Variants in GRM7 observed in about 807,000 individuals in gnomAD.
GRM7 encodes glutamate metabotropic receptor 7, also known as metabotropic glutamate receptor 7.
In GRM7, 35 loss-of-function variants were observed where a neutral mutation model predicts 84.5. That is an observed-to-expected ratio of 0.41 (90% confidence interval 0.32 to 0.55). The LOEUF (loss-of-function observed/expected upper bound fraction) is 0.55. GRM7 is among the 20% of genes least tolerant of loss of function. The pLI is 0.19. For missense variants in GRM7, 1,003 were observed against 1,194.6 expected (o/e 0.84, Z 2.36); for synonymous variants, 487 against 455.1 (o/e 1.07, Z -0.89).
chr3:7,499,448 G>C (rs997906627), intron 7 of GRM7, among the ~76,000 whole-genome samples: 1 of 152,132 alleles, frequency 6.6e-6, no homozygotes, highest in Non-Finnish European at 1.5e-5. Context: ...ATCCCTGATA[G>C]AGTAACTTCA....
chr3:7,192,067 GAAGTT>G (rs754490833), intron 2 of GRM7, among the ~76,000 whole-genome samples: 2 of 152,016 alleles, frequency 1.3e-5, no homozygotes, highest in East Asian at 1.9e-4. Context: ...TAGACTGGCT[GAAGTT>G]TAAGAATGTA....
intron 1 of GRM7, among the ~76,000 whole-genome samples, chr3:6,962,567 A>C (rs918212783): frequency 2.0e-5 from 3 of 152,236 alleles, no homozygotes; most frequent in African/African-American, 7.2e-5. Flanking sequence ...ATATGAAAAT[A>C]ATGAATAATG....
intron 2 of GRM7, among the ~76,000 whole-genome samples, chr3:7,269,803 T>TA (rs1236691857): frequency 6.6e-6 from 1 of 152,088 alleles, no homozygotes; most frequent in African/African-American, 2.4e-5. Context: ...TTTCTTCTCT[T>TA]ATATTTGTCT....
chr3:6,896,061 C>T (rs1239353705), intron 1 of GRM7, among the ~76,000 whole-genome samples: 2 of 151,896 alleles, frequency 1.3e-5, no homozygotes, highest in African/African-American at 4.8e-5. Flanking sequence ...ATGCTAAACC[C>T]GAGTTAAATT....
At chr3:7,711,789 G>A (rs1357179740) in intron 9 of GRM7, among the ~76,000 whole-genome samples, 3 of 152,198 alleles carry the variant, frequency 2.0e-5, no homozygotes, top group Non-Finnish European at 2.9e-5. Flanking sequence ...AAGGGGAAAT[G>A]TCTGTGAAGA....
At chr3:7,255,165 A>C (rs1188192501) in intron 2 of GRM7, among the ~76,000 whole-genome samples, 20 of 152,104 alleles carry the variant, frequency 1.3e-4, no homozygotes, top group Admixed American at 1.3e-3. Context: ...ATTCTCTTCA[A>C]GGAATCTATC....
At chr3:7,023,951 T>C (rs990728737) in intron 1 of GRM7, among the ~76,000 whole-genome samples, 2 of 152,124 alleles carry the variant, frequency 1.3e-5, no homozygotes, top group East Asian at 3.9e-4. Context: ...AATGAAAGTC[T>C]TCCTAGGTGG....
At chr3:7,408,519 C>T (rs188692367) in intron 4 of GRM7, among the ~76,000 whole-genome samples, 117 of 152,274 alleles carry the variant, frequency 7.7e-4, no homozygotes, top group Non-Finnish European at 1.5e-3. Flanking sequence ...GCCTAGACTC[C>T]TCTCATTAGA....
intron 9 of GRM7, among the ~76,000 whole-genome samples, chr3:7,731,860 CAGGAAGA>C (rs1702344317): frequency 6.6e-6 from 1 of 152,136 alleles, no homozygotes; most frequent in Non-Finnish European, 1.5e-5. Context: ...ATTTAGTCCT[CAGGAAGA>C]CAGCTTTGGC....
At chr3:6,890,947 T>C (rs1054802318) in intron 1 of GRM7, among the ~76,000 whole-genome samples, 8 of 152,062 alleles carry the variant, frequency 5.3e-5, no homozygotes, top group African/African-American at 7.2e-5. Context: ...TTAGGATAGT[T>C]AGCTCTTCTT....
At chr3:7,602,025 T>C (rs1696337764) in intron 8 of GRM7, among the ~76,000 whole-genome samples, 1 of 130,972 alleles carries the variant, frequency 7.6e-6, no homozygotes, top group Non-Finnish European at 1.5e-5. Flanking sequence ...ACCAGCAGAG[T>C]GAATGGCACA....
chr3:7,388,113 T>A (rs1694855842), intron 4 of GRM7, among the ~76,000 whole-genome samples: 3 of 152,130 alleles, frequency 2.0e-5, no homozygotes, highest in Non-Finnish European at 4.4e-5. Flanking sequence ...TGGATAGAAA[T>A]TCTACTACTT....
chr3:7,246,965 G>C (rs758238914), intron 2 of GRM7, among the ~76,000 whole-genome samples: 1 of 152,054 alleles, frequency 6.6e-6, no homozygotes, highest in Non-Finnish European at 1.5e-5. Flanking sequence ...ATAACGATGA[G>C]AAAAAGATTA....
At chr3:7,713,114 ATTTTGTTTTGTTT>A (rs1701639317) in intron 9 of GRM7, among the ~76,000 whole-genome samples, 1 of 129,854 alleles carries the variant, frequency 7.7e-6, no homozygotes, top group Admixed American at 8.0e-5. Flanking sequence ...GAGGATTCGA[ATTTTGTTTTGTTT>A]TTTTTTTTTT....
intron 1 of GRM7, among the ~76,000 whole-genome samples, chr3:7,113,116 C>A (rs1422354449): frequency 2.0e-5 from 3 of 151,758 alleles, no homozygotes; most frequent in Non-Finnish European, 4.4e-5. Flanking sequence ...ACCATTACTG[C>A]TTTTTTTTAA....
intron 8 of GRM7, among the ~76,000 whole-genome samples, chr3:7,646,214 T>C (rs1017216416): frequency 1.3e-5 from 2 of 152,130 alleles, no homozygotes; most frequent in Non-Finnish European, 2.9e-5. Flanking sequence ...TTATTTGAGA[T>C]GGAGTCTCAC....
chr3:7,714,940 T>G (rs1261642926), intron 9 of GRM7, among the ~76,000 whole-genome samples: 1 of 152,216 alleles, frequency 6.6e-6, no homozygotes, highest in Non-Finnish European at 1.5e-5. Context: ...CAGTCACCCA[T>G]CTGGTAGCTT....
At chr3:6,885,286 C>T (rs1349724522) in intron 1 of GRM7, among the ~76,000 whole-genome samples, 2 of 152,162 alleles carry the variant, frequency 1.3e-5, no homozygotes, top group Admixed American at 1.3e-4. Flanking sequence ...GGCAGCGTGC[C>T]CAGCTTAGGT....
intron 1 of GRM7, among the ~76,000 whole-genome samples, chr3:7,134,731 T>C (rs779643293): frequency 6.6e-6 from 1 of 152,156 alleles, no homozygotes; most frequent in Non-Finnish European, 1.5e-5. Context: ...CTGGGAACTG[T>C]AACCAAGAGA....
Sources: gnomAD v4.1 joint callset for allele counts (sites outside exome capture counted in the v4.1 genomes callset) on GRCh38, gnomAD v4.1.1 for gene constraint, MANE v1.5 for transcripts, NCBI Gene and HGNC (gene_info 2026-07-23, HGNC 2026-07-21) for gene names.